The following RALYL variants were observed in gnomAD, a reference collection of about 807,000 sequenced individuals.
The protein encoded by RALYL is RALY RNA binding protein like.
RALYL carries 29 observed loss-of-function variants against 35.1 expected under a neutral mutation model. That is an observed-to-expected ratio of 0.83 (90% CI 0.61 to 1.13). The LOEUF (loss-of-function observed/expected upper bound fraction) is 1.13. Ranked by LOEUF, RALYL falls within the 50% of genes most tolerant of loss-of-function variation. The pLI, the probability that RALYL is intolerant of heterozygous loss-of-function variation, is 0.00. For missense variants in RALYL, 359 were observed against 360.4 expected, an observed-to-expected ratio of 1.00 and a Z score of 0.03; for synonymous variants, 120 against 127.6, an observed-to-expected ratio of 0.94 and a Z score of 0.40.
intron 1 of RALYL, among the ~76,000 whole-genome samples, chr8:84,339,347 C>A (rs1848362200): frequency 6.6e-6 from 1 of 151,998 alleles, no homozygotes; most frequent in Admixed American, 6.6e-5. Flanking sequence ...CTCCCAATTC[C>A]TCGCATTACC....
At chr8:84,857,872 T>C (rs1837369355) in intron 5 of RALYL, among the ~76,000 whole-genome samples, 1 of 152,148 alleles carries the variant, frequency 6.6e-6, no homozygotes, top group African/African-American at 2.4e-5. Context: ...TTTCCCAAAA[T>C]GTTACTTTAT....
At chr8:84,411,712 G>C (rs960162221) in intron 1 of RALYL, among the ~76,000 whole-genome samples, 1 of 151,858 alleles carries the variant, frequency 6.6e-6, no homozygotes, top group African/African-American at 2.4e-5. Flanking sequence ...TTCAACCATT[G>C]ATTATTTGTT....
chr8:84,570,193 C>T (rs1807591514), intron 2 of RALYL, among the ~76,000 whole-genome samples: 1 of 151,882 alleles, frequency 6.6e-6, no homozygotes, highest in African/African-American at 2.4e-5. Flanking sequence ...ATCATTTTAA[C>T]AATATTGATA....
intron 8 of RALYL, among the ~76,000 whole-genome samples, chr8:84,916,187 A>G (rs900742332): frequency 5.9e-5 from 9 of 152,082 alleles, no homozygotes; most frequent in East Asian, 1.9e-4. Flanking sequence ...AACTTTTCCT[A>G]TAAGTATTAT....
chr8:84,550,563 AAAT>A (rs1390319715), intron 2 of RALYL, among the ~76,000 whole-genome samples: 9 of 151,764 alleles, frequency 5.9e-5, no homozygotes, highest in East Asian at 5.8e-4. Context: ...GACTTAGTTA[AAAT>A]AATGTTTCTT....
At chr8:84,433,457 G>A (rs1477734260) in intron 1 of RALYL, among the ~76,000 whole-genome samples, 2 of 152,204 alleles carry the variant, frequency 1.3e-5, no homozygotes, top group Middle Eastern at 3.4e-3. Context: ...TGGTTTGGCT[G>A]TGTCCCCACC....
intron 1 of RALYL, among the ~76,000 whole-genome samples, chr8:84,259,414 T>G (rs977139092): frequency 1.3e-5 from 2 of 152,182 alleles, no homozygotes; most frequent in African/African-American, 4.8e-5. Flanking sequence ...CTCATTTATT[T>G]GAACAAATTT....
At chr8:84,869,498 G>A (rs16913381) in intron 6 of RALYL, among the ~76,000 whole-genome samples, 1 of 152,124 alleles carries the variant, frequency 6.6e-6, no homozygotes, top group African/African-American at 2.4e-5. Flanking sequence ...TATTGGTAAG[G>A]GAGGTTATAT....
intron 2 of RALYL, among the ~76,000 whole-genome samples, chr8:84,767,089 A>G (rs1481503414): frequency 6.6e-6 from 1 of 152,184 alleles, no homozygotes; most frequent in Admixed American, 6.5e-5. Context: ...GCATGAAATA[A>G]TAGAAATCCA....
intron 1 of RALYL, among the ~76,000 whole-genome samples, chr8:84,218,202 G>C (rs1821299439): frequency 6.6e-6 from 1 of 151,978 alleles, no homozygotes; most frequent in Non-Finnish European, 1.5e-5. Context: ...AGTTAATATA[G>C]GTGAAATTAT....
At chr8:84,212,786 T>C (rs886199138) in intron 1 of RALYL, among the ~76,000 whole-genome samples, 1 of 152,194 alleles carries the variant, frequency 6.6e-6, no homozygotes, top group Non-Finnish European at 1.5e-5. Context: ...ATCAGTATTC[T>C]CTTAGGCATG....
intron 1 of RALYL, among the ~76,000 whole-genome samples, chr8:84,425,424 C>T (rs9772926): frequency 0.017 from 2,531 of 152,264 alleles, 70 homozygotes; most frequent in African/African-American, 0.057. Flanking sequence ...ACGGTGCGCT[C>T]ACCCACTGGC....
intron 2 of RALYL, among the ~76,000 whole-genome samples, chr8:84,599,772 T>C (rs2930064): frequency 0.19 from 28,761 of 152,118 alleles, 2,996 homozygotes; most frequent in Non-Finnish European, 0.23. Context: ...TATGTGTATG[T>C]GTTTCTTAAA....
intron 1 of RALYL, among the ~76,000 whole-genome samples, chr8:84,237,053 G>A (rs1316932083): frequency 6.6e-6 from 1 of 152,142 alleles, no homozygotes; most frequent in Non-Finnish European, 1.5e-5. Context: ...AATCAACAAG[G>A]AGAGTAAATA....
chr8:84,805,094 G>T (rs1412732526), intron 4 of RALYL, among the ~76,000 whole-genome samples: 2 of 152,098 alleles, frequency 1.3e-5, no homozygotes, highest in African/African-American at 2.4e-5. Context: ...TACTCAGATT[G>T]GTTTTAAAAA....
intron 4 of RALYL, among the ~76,000 whole-genome samples, chr8:84,823,925 CT>C (rs1390614681): frequency 6.6e-6 from 1 of 152,090 alleles, no homozygotes; most frequent in Non-Finnish European, 1.5e-5. Flanking sequence ...CAGACAAAAA[CT>C]GGAAGCATTC....
intron 2 of RALYL, among the ~76,000 whole-genome samples, chr8:84,740,332 T>C (rs1490464238): frequency 6.6e-6 from 1 of 151,834 alleles, no homozygotes; most frequent in African/African-American, 2.4e-5. Context: ...GATTAAGTAT[T>C]GAAGGTTATT....
chr8:84,193,453 AAGT>A (rs1244727517), intron 1 of RALYL, among the ~76,000 whole-genome samples: 1 of 152,220 alleles, frequency 6.6e-6, no homozygotes, highest in African/African-American at 2.4e-5. Flanking sequence ...TAGTTAAACT[AAGT>A]AACTCATTAT....
chr8:84,602,863 A>T (rs1175024128), intron 2 of RALYL, among the ~76,000 whole-genome samples: 1 of 152,100 alleles, frequency 6.6e-6, no homozygotes, highest in Non-Finnish European at 1.5e-5. Flanking sequence ...TAAAGAAAAT[A>T]GATTTCTGTC....
Sources: allele counts gnomAD v4.1 joint callset (sites outside exome capture counted in the v4.1 genomes callset), GRCh38; gene constraint gnomAD v4.1.1; transcripts MANE v1.5; gene names NCBI Gene and HGNC (gene_info 2026-07-23, HGNC 2026-07-21).